The following STXBP5L variants were observed in gnomAD, a reference collection of about 807,000 sequenced individuals.
The protein encoded by STXBP5L is syntaxin-binding protein 5-like.
Under a neutral mutation model 144.5 loss-of-function variants are expected in STXBP5L, and 65 were observed. That is an observed-to-expected ratio of 0.45 (90% CI 0.37 to 0.55). The LOEUF (loss-of-function observed/expected upper bound fraction) is 0.55, where lower values mean the gene tolerates loss of function less well. STXBP5L is among the 20% of genes least tolerant of loss of function. STXBP5L has a pLI of 0.00. For missense variants in STXBP5L, 1,298 were observed against 1,405.5 expected (o/e 0.92, Z 1.22); for synonymous variants, 505 against 469.6 (o/e 1.08, Z -0.97).
chr3:121,226,011 T>C lies in STXBP5L; in HGVS notation c.1111+2854T>C, dbSNP rs530222218. 3.3e-5 allele frequency among the ~76,000 whole-genome samples: 5 copies of C among 152,258 alleles called. No homozygotes were observed. The South Asian group carries it at 6.2e-4, about 19-fold the overall frequency. The stretch of plus-strand genomic sequence containing the variant: ...AAACTGTAACTAGTACATACTGATA[T>C]CCTTGAGAGACAGGGAGCTGAAAAA... On this transcript the variant is annotated intron_variant, in intron 11 of 26. Coordinates refer to ENST00000471454, the MANE Select transcript of STXBP5L (RefSeq NM_001308330.2).
At chr3:121,326,930 G>A (rs1434824203) in intron 20 of STXBP5L, among the ~76,000 whole-genome samples, 1 of 152,092 alleles carries the variant, frequency 6.6e-6, no homozygotes, top group Non-Finnish European at 1.5e-5. Flanking sequence ...TTCAAAGTAA[G>A]AAGCAATTAA....
chr3:121,053,971 C>G (rs922098133), intron 5 of STXBP5L, among the ~76,000 whole-genome samples: 8 of 152,068 alleles, frequency 5.3e-5, no homozygotes, highest in Admixed American at 3.3e-4. Flanking sequence ...ATTTATGCAG[C>G]CAAAAGACAC....
intron 9 of STXBP5L, among the ~76,000 whole-genome samples, chr3:121,205,147 C>G (rs1559862097): frequency 6.6e-6 from 1 of 152,142 alleles, no homozygotes; most frequent in African/African-American, 2.4e-5. Flanking sequence ...TATGGATTGT[C>G]ATTGTTGTCC....
chr3:121,196,221 A>C (rs2047913506), intron 9 of STXBP5L, among the ~76,000 whole-genome samples: 1 of 151,378 alleles, frequency 6.6e-6, no homozygotes, highest in African/African-American at 2.4e-5. Flanking sequence ...GTGCAGTGGC[A>C]CAATCTTGGC....
At chr3:121,371,742 C>T (rs2046035536) in intron 20 of STXBP5L, among the ~76,000 whole-genome samples, 2 of 152,188 alleles carry the variant, frequency 1.3e-5, no homozygotes, top group African/African-American at 4.8e-5. Context: ...CATATTCATG[C>T]TGGTAGTGGT....
chr3:121,038,042 T>G (rs1249901876), intron 3 of STXBP5L, among the ~76,000 whole-genome samples: 1 of 152,036 alleles, frequency 6.6e-6, no homozygotes, highest in Non-Finnish European at 1.5e-5. Context: ...TCTTTTTACC[T>G]TGATCACTCT....
intron 20 of STXBP5L, among the ~76,000 whole-genome samples, chr3:121,341,969 T>A (rs2044729898): frequency 6.6e-6 from 1 of 152,102 alleles, no homozygotes; most frequent in Admixed American, 6.6e-5. Context: ...ATTGTATATT[T>A]TAGAATAACT....
At chr3:121,111,048 G>A (rs189515058) in intron 5 of STXBP5L, among the ~76,000 whole-genome samples, 2 of 152,204 alleles carry the variant, frequency 1.3e-5, no homozygotes, top group African/African-American at 4.8e-5. Flanking sequence ...AATTGTGGGT[G>A]CATTGTGAAG....
At chr3:121,363,944 C>T (rs1171003475) in intron 20 of STXBP5L, among the ~76,000 whole-genome samples, 1 of 152,052 alleles carries the variant, frequency 6.6e-6, no homozygotes, top group East Asian at 1.9e-4. Context: ...TAGTCCCTTA[C>T]CAGATATATG....
chr3:121,063,469 G>A (rs889883127), intron 5 of STXBP5L, among the ~76,000 whole-genome samples: 32 of 152,314 alleles, frequency 2.1e-4, no homozygotes, highest in Non-Finnish European at 4.6e-4. Context: ...CAGGAGTTAT[G>A]GGGGTTAGGT....
chr3:121,133,629 A>G (rs1005489424), intron 7 of STXBP5L, among the ~76,000 whole-genome samples: 2 of 152,208 alleles, frequency 1.3e-5, no homozygotes, highest in Non-Finnish European at 2.9e-5. Flanking sequence ...AAGAAATGCT[A>G]AAGAGTTCTT....
intron 20 of STXBP5L, among the ~76,000 whole-genome samples, chr3:121,361,161 C>T (rs2108638652): frequency 6.6e-6 from 1 of 152,278 alleles, no homozygotes; most frequent in African/African-American, 2.4e-5. Flanking sequence ...TGCTGCCCAG[C>T]ATTTGAAGTT....
intron 5 of STXBP5L, among the ~76,000 whole-genome samples, chr3:121,083,566 G>A (rs1173197322): frequency 6.6e-6 from 1 of 152,062 alleles, no homozygotes; most frequent in African/African-American, 2.4e-5. Flanking sequence ...GGGAGGCTGA[G>A]GCAGGAGAAT....
At position 121,021,403 on chromosome 3, in the gene STXBP5L, C is replaced by T. The variant is rs541388063; in HGVS notation, c.288-20297C>T. On this transcript the variant is annotated intron_variant, in intron 3 of 26. Coordinates refer to ENST00000471454, the MANE Select transcript of STXBP5L (RefSeq NM_001308330.2). The stretch of plus-strand genomic sequence containing the variant: ...AGAAACAATGGACTTAAACTATACC[C>T]TAGAACAAATGGATTTAATAGATAT... Among the ~76,000 whole-genome samples the T allele has an allele frequency of 3.3e-5, 5 of 152,172 alleles. No individual in the cohort carries two copies. The East Asian group carries it at 9.7e-4, about 29-fold the overall frequency.
rs558802269 is a variant in STXBP5L, at chr3:120,953,019, C to T, written c.190-1921C>T. Among the ~76,000 whole-genome samples the T allele has an allele frequency of 5.7e-4, 86 of 151,768 alleles. No homozygotes were observed. In the South Asian group the frequency reaches 9.8e-3, roughly 17 times the overall value. ...CTCTCTATCTTGCCCAGGGTGGTAT[C>T]GAACTCCTGGGCTCAAGTGATCCAC... On this transcript the variant is annotated intron_variant, in intron 2 of 26. Coordinates refer to ENST00000471454, the MANE Select transcript of STXBP5L (RefSeq NM_001308330.2).
chr3:121,273,679 G>GT (rs1577346785), intron 18 of STXBP5L, among the ~76,000 whole-genome samples: 1 of 151,726 alleles, frequency 6.6e-6, no homozygotes, highest in Non-Finnish European at 1.5e-5. Flanking sequence ...TTTCTTTTCT[G>GT]TTTTTTGTTA....
At chr3:121,127,214 G>A (rs1195135667) in intron 7 of STXBP5L, among the ~76,000 whole-genome samples, 1 of 148,476 alleles carries the variant, frequency 6.7e-6, no homozygotes, top group Non-Finnish European at 1.5e-5. Flanking sequence ...TGCTTATAAG[G>A]AGACCAAATA....
chr3:121,382,600 T>C (rs1381116178), intron 22 of STXBP5L, among the ~76,000 whole-genome samples: 4 of 152,150 alleles, frequency 2.6e-5, no homozygotes, highest in African/African-American at 9.7e-5. Context: ...ACATCTAATA[T>C]GTACCGGGCA....
intron 5 of STXBP5L, among the ~76,000 whole-genome samples, chr3:121,055,962 G>T (rs1048127869): frequency 3.2e-4 from 48 of 152,028 alleles, no homozygotes; most frequent in African/African-American, 1.2e-3. Flanking sequence ...CAAAGTGCTG[G>T]GATTAGAGGC....
Sources: allele counts gnomAD v4.1 joint callset (sites outside exome capture counted in the v4.1 genomes callset), GRCh38; gene constraint gnomAD v4.1.1; transcripts MANE v1.5; gene names NCBI Gene and HGNC (gene_info 2026-07-23, HGNC 2026-07-21).